Variants in CRADD observed in about 807,000 individuals in gnomAD.
CRADD encodes the protein CARD and death domain containing adaptor protein, also known as death domain-containing protein CRADD.
Under a neutral mutation model 15.5 loss-of-function variants are expected in CRADD, and 9 were observed. The observed-to-expected ratio is 0.58, with a 90% CI of 0.35 to 1.01. The LOEUF is 1.01. Ranked by LOEUF, CRADD falls within the 50% of genes least tolerant of loss-of-function variation. CRADD has a pLI of 0.02. For synonymous variants in CRADD, 118 were observed against 107.6 expected, an observed-to-expected ratio of 1.10 and a Z score of -0.60; for missense variants, 227 against 250.3, an observed-to-expected ratio of 0.91 and a Z score of 0.63.
At chr12:93,877,061 A>T (rs535053509) in intron 2 of CRADD, among the ~76,000 whole-genome samples, 2 of 152,364 alleles carry the variant, frequency 1.3e-5, no homozygotes, top group East Asian at 3.9e-4. Context: ...TGGTTCTTGT[A>T]GACTCATAGA....
chr12:93,711,030 C>A (rs1299486485), intron 2 of CRADD, among the ~76,000 whole-genome samples: 1 of 122,102 alleles, frequency 8.2e-6, no homozygotes, highest in Non-Finnish European at 1.7e-5. Flanking sequence ...GACTGCCCCC[C>A]TCCACCCCAC....
chr12:93,740,491 T>C (rs1283323085), intron 2 of CRADD, among the ~76,000 whole-genome samples: 1 of 152,160 alleles, frequency 6.6e-6, no homozygotes, highest in Admixed American at 6.5e-5. Context: ...TACCTAAGGT[T>C]TTGGTTTTTA....
At chr12:93,714,861 G>A (rs922089352) in intron 2 of CRADD, 2 of 152,200 alleles carry the variant, frequency 1.3e-5, no homozygotes, top group African/African-American at 4.8e-5. Context: ...CTTGGTACAA[G>A]GGAGGCTGCA....
chr12:93,884,588 C>T (rs979750730), intron 2 of CRADD, among the ~76,000 whole-genome samples: 1 of 152,186 alleles, frequency 6.6e-6, no homozygotes, highest in Non-Finnish European at 1.5e-5. Flanking sequence ...TCTCCTGTTC[C>T]TGTGTGGTGA....
intron 2 of CRADD, chr12:93,738,444 T>C: frequency 1.4e-6 from 1 of 702,326 alleles, no homozygotes; most frequent in Non-Finnish European, 2.6e-6. Context: ...GCCTGCCCAC[T>C]CTGTTATGAA....
At chr12:93,690,023 C>T (rs1241303243) in intron 2 of CRADD, among the ~76,000 whole-genome samples, 1 of 152,214 alleles carries the variant, frequency 6.6e-6, no homozygotes, top group Admixed American at 6.5e-5. Flanking sequence ...ATAGGAATTT[C>T]TCTGAAATAT....
chr12:93,732,509 A>G (rs1956484238), intron 2 of CRADD, among the ~76,000 whole-genome samples: 1 of 152,242 alleles, frequency 6.6e-6, no homozygotes, highest in Non-Finnish European at 1.5e-5. Context: ...GTCTTAATGC[A>G]GTAGTTATTT....
At chr12:93,742,116 C>T (rs1416682258) in intron 2 of CRADD, among the ~76,000 whole-genome samples, 3 of 152,192 alleles carry the variant, frequency 2.0e-5, no homozygotes, top group Admixed American at 2.0e-4. Flanking sequence ...TCAAACTCTC[C>T]TTTCATGTTA....
rs552379610 is a variant in CRADD, at chr12:93,867,348, CAT to C, written c.299-26701_299-26700del. 2.4e-4 allele frequency among the ~76,000 whole-genome samples: 32 copies of C among 134,108 alleles called. 1 individual carries two copies. The South Asian group carries it at 6.9e-3, about 29-fold the overall frequency. The allele number at this position is 134,108 out of a possible 152,430, so 88.0% of individuals were successfully genotyped here. On this transcript the variant is annotated intron_variant, in intron 2 of 2. Coordinates refer to the CRADD transcript ENST00000548483. The stretch of plus-strand genomic sequence containing the variant: ...GGGATCCATAAAAAGTACAGGAAAA[CAT>C]GTGTGTTTAATATCTGCTATCTTCA...
At chr12:93,691,740 C>T (rs1262501613) in intron 2 of CRADD, among the ~76,000 whole-genome samples, 2 of 152,116 alleles carry the variant, frequency 1.3e-5, no homozygotes, top group Admixed American at 6.5e-5. Flanking sequence ...ATTCAGACTT[C>T]GGTGGAGTTG....
intron 2 of CRADD, among the ~76,000 whole-genome samples, chr12:93,750,676 G>A (rs1956819292): frequency 6.6e-6 from 1 of 151,894 alleles, no homozygotes; most frequent in South Asian, 2.1e-4. Context: ...AGGTATATGT[G>A]TCTTTGCCAT....
intron 2 of CRADD, among the ~76,000 whole-genome samples, chr12:93,692,633 C>T (rs544155655): frequency 1.3e-5 from 2 of 152,164 alleles, no homozygotes; most frequent in Non-Finnish European, 2.9e-5. Context: ...CCGGCAAAAC[C>T]GTTCTTTAGA....
At chr12:93,886,077 G>A (rs533057649) in intron 2 of CRADD, among the ~76,000 whole-genome samples, 1 of 151,794 alleles carries the variant, frequency 6.6e-6, no homozygotes, top group Non-Finnish European at 1.5e-5. Flanking sequence ...GATCCCAGGT[G>A]CTGGGCAAAG....
At chr12:93,687,795 G>T (rs185093963) in intron 2 of CRADD, among the ~76,000 whole-genome samples, 110 of 152,298 alleles carry the variant, frequency 7.2e-4, no homozygotes, top group East Asian at 1.9e-4. Flanking sequence ...TGTTGCTCAA[G>T]AATGTTCCAG....
chr12:93,881,289 T>C (rs992744523), intron 2 of CRADD, among the ~76,000 whole-genome samples: 3 of 149,880 alleles, frequency 2.0e-5, no homozygotes, highest in African/African-American at 7.5e-5. Context: ...AGGCAGCACT[T>C]TGTTTGTTTG....
chr12:93,855,186 C>A (rs1958262522), downstream of CRADD, among the ~76,000 whole-genome samples: 2 of 152,016 alleles, frequency 1.3e-5, no homozygotes, highest in South Asian at 2.1e-4. Flanking sequence ...CAGCAAAACT[C>A]CGTCTTAAAA....
intron 2 of CRADD, among the ~76,000 whole-genome samples, chr12:93,841,115 A>G (rs1958042192): frequency 6.6e-6 from 1 of 151,972 alleles, no homozygotes; most frequent in African/African-American, 2.4e-5. Context: ...TCTTTGGTGG[A>G]TTGATATATT....
intron 2 of CRADD, among the ~76,000 whole-genome samples, chr12:93,817,434 G>A (rs903345651): frequency 2.4e-4 from 36 of 152,144 alleles, no homozygotes; most frequent in Admixed American, 6.5e-4. Context: ...CGATGCTGTC[G>A]TTATTCTCAT....
chr12:93,881,938 C>T (rs926153680), intron 2 of CRADD, among the ~76,000 whole-genome samples: 2 of 150,610 alleles, frequency 1.3e-5, no homozygotes, highest in African/African-American at 2.4e-5. Flanking sequence ...ACTAACCTGA[C>T]CAGCCTGGTG....
Sources: gnomAD v4.1 joint callset for allele counts (sites outside exome capture counted in the v4.1 genomes callset) on GRCh38, gnomAD v4.1.1 for gene constraint, MANE v1.5 for transcripts, NCBI Gene and HGNC (gene_info 2026-07-23, HGNC 2026-07-21) for gene names.